The following CDKL3 variants were observed in gnomAD, a reference collection of about 807,000 sequenced individuals.
CDKL3 encodes cyclin-dependent kinase-like 3.
In CDKL3, 65 loss-of-function variants were observed where a neutral mutation model predicts 69.3. That is an observed-to-expected ratio of 0.94 (90% confidence interval 0.77 to 1.15). The LOEUF is 1.15. CDKL3 is among the 50% of genes most tolerant of loss of function. The probability of loss-of-function intolerance (pLI) is 0.00; values close to 1 mark genes in which losing one functional copy is unlikely to be tolerated. For synonymous variants in CDKL3, 202 were observed against 221.6 expected, an observed-to-expected ratio of 0.91 and a Z score of 0.79; for missense variants, 652 against 689.2, an observed-to-expected ratio of 0.95 and a Z score of 0.61.
chr5:134,307,381 C>T (rs1768163500), intron 9 of CDKL3, among the ~76,000 whole-genome samples: 2 of 152,182 alleles, frequency 1.3e-5, no homozygotes, highest in African/African-American at 4.8e-5. Context: ...TTGGGATCAC[C>T]TCAAGAACAA....
chr5:134,346,063 G>A lies in CDKL3; in HGVS notation c.539+4186C>T, dbSNP rs148488280. Among the ~76,000 whole-genome samples the A allele has an allele frequency of 5.8e-4, 88 of 152,040 alleles. 1 individual carries two copies. In the East Asian group the frequency reaches 0.015, roughly 27 times the overall value. ...TCACAGAAACCAGGATTCCTCTTCCGCCTGCCCACCTCCAGAGCGATTAGA... is the reference window on the plus strand; with the variant it reads ...TCACAGAAACCAGGATTCCTCTTCCACCTGCCCACCTCCAGAGCGATTAGA... On this transcript the variant is annotated intron_variant, in intron 4 of 12. Transcript: ENST00000265334.
chr5:134,358,530 C>T lies in CDKL3; in HGVS notation c.360+1367G>A, dbSNP rs1021614668. ...TCCCTACCAGCTTTCTTTTCTTTTC[C>T]TTTTTTTTCTTTTCTTTCCTTAACA... On this transcript the variant is annotated intron_variant, in intron 3 of 12. Transcript: ENST00000265334. Among the ~76,000 whole-genome samples the T allele has an allele frequency of 4.6e-5, 7 of 151,606 alleles. 1 individual carries two copies. The South Asian group carries it at 1.2e-3, about 27-fold the overall frequency.
At position 134,302,591 on chromosome 5, in the gene CDKL3, TC is replaced by T. The variant is rs1391342134; in HGVS notation, c.1717del (p.Glu573ArgfsTer12). The part of the protein sequence containing the change: ...LNVDQNQEKQ[E>X]GGDGHCEGKN... The stretch of plus-strand genomic sequence containing the variant: ...AAAGCTATATACAAAAAGAGTTACC[TC>T]TTGTTTTTCTTGATTTTGATCCACG... On this transcript the variant is annotated frameshift_variant and splice_region_variant, in exon 12 of 13. Coordinates refer to ENST00000265334, the MANE Select transcript of CDKL3 (RefSeq NM_001113575.2). LOFTEE classifies it high-confidence loss of function. The T allele has an allele frequency of 6.5e-7, 1 of 1,527,056 alleles. No homozygotes were observed. Among genetic ancestry groups the T allele is most frequent in the Admixed American group, 1.7e-5 (1 of 57,420 alleles). 94.6% of individuals were successfully genotyped at this position (1,527,056 alleles called of 1,614,324 possible).
In CDKL3 at chr5:134,302,661, C is replaced by A. The variant is rs145851529; in HGVS notation, c.1648G>T (p.Glu550Ter). The A allele has an allele frequency of 1.3e-6, 2 of 1,596,800 alleles. No homozygotes were observed. The highest frequency in any genetic ancestry group is 3.4e-5 in the Admixed American group (2 of 58,312). Residue 550 changes from glutamate (E) to a stop codon, truncating the protein, a stop_gained, in exon 12 of 13, where the codon GAG (glutamate) becomes TAG (stop). Transcript: ENST00000265334. LOFTEE classifies it high-confidence loss of function. ...EVKQIKMLKR[E>*]SKKTESSKIP... ...TTAGATGACTCTGTTTTCTTTGACT[C>A]CCTCTTCAGCATTTTTATCTGTTTA... is the stretch of plus-strand genomic sequence containing the variant.
At position 134,321,889 on chromosome 5, in the gene CDKL3, C is replaced by G; in HGVS notation, c.554G>C (p.Trp185Ser). Residue 185 changes from tryptophan to serine, a missense_variant, in exon 5 of 13, where the codon TGG becomes TCG. Trp to Ser is a radical substitution (Grantham distance 177). Transcript: ENST00000265334. ...DTSYGKPVDI[W>S]ALGCMIIEMA... ...CTCAATGATCATACAGCCCAAAGCC[C>G]AGATATCCACAGGTCTGAAACAGAT... 6.3e-7 allele frequency: 1 copy of G among 1,597,070 alleles called. No homozygotes were observed. Among genetic ancestry groups the G allele is most frequent in the South Asian group, 1.1e-5 (1 of 90,068 alleles).
Position 134,319,395 on chromosome 5 carries a change from TA to T in CDKL3, c.754del (p.Tyr252IlefsTer11), listed in dbSNP as rs1473029510. Reference protein sequence around the residue: ...VQHPKNARKKYPKLNGLLADI... With the variant: ...VQHPKNARKKXPKLNGLLADI... ...TGCCAACAATCCATTAAGCTTTGGA[TA>T]TTTTTTTCTTGCATTTTTGGGGTGT... On this transcript the variant is annotated frameshift_variant, in exon 6 of 13. Transcript: ENST00000265334. LOFTEE classifies it high-confidence loss of function. 103 of 1,536,106 alleles carry T rather than the reference TA, an allele frequency of 6.7e-5. No individual in the cohort carries two copies. Among genetic ancestry groups the T allele is most frequent in the Non-Finnish European group, 2.6e-6 (3 of 1,142,816 alleles).
chr5:134,357,015 T>C (rs974063746), intron 3 of CDKL3, among the ~76,000 whole-genome samples: 12 of 151,858 alleles, frequency 7.9e-5, no homozygotes, highest in African/African-American at 2.7e-4. Flanking sequence ...CACTTCATCA[T>C]CTACACTTTT....
chr5:134,339,331 G>C (rs1749863534), intron 4 of CDKL3, among the ~76,000 whole-genome samples: 1 of 152,052 alleles, frequency 6.6e-6, no homozygotes, highest in Non-Finnish European at 1.5e-5. Context: ...AACATTATAA[G>C]TAAAGGTTGT....
At chr5:134,335,765 C>A (rs2149538969) in intron 4 of CDKL3, among the ~76,000 whole-genome samples, 1 of 152,264 alleles carries the variant, frequency 6.6e-6, no homozygotes, top group Non-Finnish European at 1.5e-5. Context: ...TTTTTTCCTT[C>A]ATTTCAACCT....
intron 4 of CDKL3, 128 bp downstream of exon 4, chr5:134,350,121 G>C: frequency 1.6e-6 from 1 of 614,420 alleles, no homozygotes; most frequent in East Asian, 3.1e-5. Context: ...CTGGGAGGTG[G>C]AGGTTGCAGT....
chr5:134,290,753 T>C (rs1379905459), intron 8 of CDKL3, among the ~76,000 whole-genome samples: 2 of 152,040 alleles, frequency 1.3e-5, no homozygotes, highest in East Asian at 1.9e-4. Flanking sequence ...CCCAGGCTGA[T>C]CTCAAACTCC....
At chr5:134,346,589 C>CG (rs1751943405) in intron 4 of CDKL3, among the ~76,000 whole-genome samples, 1 of 152,098 alleles carries the variant, frequency 6.6e-6, no homozygotes, top group African/African-American at 2.4e-5. Context: ...CTCTGCCTCC[C>CG]GGGTTCAAGC....
At chr5:134,305,486 C>G (rs917507870) in intron 10 of CDKL3, among the ~76,000 whole-genome samples, 12 of 152,282 alleles carry the variant, frequency 7.9e-5, no homozygotes, top group African/African-American at 2.6e-4. Context: ...TGCTTCAGTT[C>G]ATTTTCTTAA....
chr5:134,349,390 A>T (rs1752695508), intron 4 of CDKL3, among the ~76,000 whole-genome samples: 1 of 152,138 alleles, frequency 6.6e-6, no homozygotes, highest in South Asian at 2.1e-4. Context: ...CTACTTTTGA[A>T]GTAATTCTCC....
chr5:134,363,961 A>C, intron 2 of CDKL3, among the ~76,000 whole-genome samples: 1 of 145,882 alleles, frequency 6.9e-6, no homozygotes, highest in East Asian at 2.0e-4. Context: ...ATTTCTTAAA[A>C]AAAAAAAAAA....
intron 3 of CDKL3, among the ~76,000 whole-genome samples, chr5:134,355,253 A>AAAAC (rs1302061288): frequency 6.6e-6 from 1 of 151,876 alleles, no homozygotes; most frequent in Non-Finnish European, 1.5e-5. Context: ...AAAAAAAAAA[A>AAAAC]AAACAGATAT....
At chr5:134,292,661 G>C (rs1765172035) in intron 8 of CDKL3, among the ~76,000 whole-genome samples, 1 of 151,766 alleles carries the variant, frequency 6.6e-6, no homozygotes, top group South Asian at 2.1e-4. Context: ...GCAGTTCTTT[G>C]AAAAGATTAG....
intron 8 of CDKL3, among the ~76,000 whole-genome samples, chr5:134,292,457 T>C (rs1765162969): frequency 6.6e-6 from 1 of 152,036 alleles, no homozygotes; most frequent in African/African-American, 2.4e-5. Context: ...GAAGCAGCTA[T>C]AAAAGGAAAT....
intron 4 of CDKL3, among the ~76,000 whole-genome samples, chr5:134,331,344 T>C (rs1351349742): frequency 6.6e-6 from 1 of 152,164 alleles, no homozygotes; most frequent in Non-Finnish European, 1.5e-5. Context: ...CTAGGGTACA[T>C]GTGTAAAATG....
Sources: allele counts gnomAD v4.1 joint callset (sites outside exome capture counted in the v4.1 genomes callset), GRCh38; gene constraint gnomAD v4.1.1; transcripts MANE v1.5; gene names NCBI Gene and HGNC (gene_info 2026-07-23, HGNC 2026-07-21).